Variants in ZBTB49 observed in about 807,000 individuals in gnomAD.
ZBTB49 encodes the protein zinc finger and BTB domain containing 49.
Under a neutral mutation model 57.5 loss-of-function variants are expected in ZBTB49, and 43 were observed. The ratio of observed to expected loss-of-function variants is 0.75; its 90% CI spans 0.59 to 0.97. ZBTB49 has a LOEUF of 0.97. ZBTB49 is among the 50% of genes least tolerant of loss of function. The pLI, the probability that ZBTB49 is intolerant of heterozygous loss-of-function variation, is 0.00. For synonymous variants in ZBTB49, 369 were observed against 362.1 expected, an observed-to-expected ratio of 1.02 and a Z score of -0.22; for missense variants, 938 against 947.7, an observed-to-expected ratio of 0.99 and a Z score of 0.13.
At chr4:4,294,675 T>C (rs1388538155) in intron 1 of ZBTB49, among the ~76,000 whole-genome samples, 1 of 152,132 alleles carries the variant, frequency 6.6e-6, no homozygotes, top group Non-Finnish European at 1.5e-5. Flanking sequence ...ATAGTAAAAG[T>C]AAATTGTGTA....
At position 4,302,255 on chromosome 4, in the gene ZBTB49, T is replaced by A. The variant is rs1200933058; in HGVS notation, c.419T>A (p.Leu140Gln). The A allele has an allele frequency of 1.2e-6, 2 of 1,614,258 alleles. No individual in the cohort carries two copies. The highest frequency in any genetic ancestry group is 3.3e-5 in the Admixed American group (2 of 60,038). The change falls in exon 3 of 8, where the codon CTG (leucine) becomes CAG (glutamine). Residue 140 changes from leucine (L) to glutamine (Q), a missense_variant. Physicochemically the swap from Leu to Gln is moderately radical, Grantham distance 113. This residue lies in a region of ZBTB49 where 835 missense variants were observed against 819.1 expected (regional missense o/e 1.02). Coordinates refer to ENST00000337872, the MANE Select transcript of ZBTB49 (RefSeq NM_145291.4). ...CNSTLSLQSTLTPDATCVISE... is the reference protein window; with the variant it reads ...CNSTLSLQSTQTPDATCVISE... ...AGTACATTGTCTCTACAAAGCACCC[T>A]GACCCCAGATGCCACTTGTGTTATC...
chr4:4,293,844 G>A (rs1720058485), intron 1 of ZBTB49, among the ~76,000 whole-genome samples: 1 of 150,730 alleles, frequency 6.6e-6, no homozygotes, highest in African/African-American at 2.5e-5. Flanking sequence ...GATGGGAAGT[G>A]GAAGCTGTTA....
chr4:4,299,888 C>T, intron 1 of ZBTB49, 39 bp from the exon 2 acceptor site: 1 of 1,586,368 alleles, frequency 6.3e-7, no homozygotes, highest in South Asian at 1.1e-5. Context: ...CAGTGAGGTC[C>T]TTAAGAATAT....
At chr4:4,316,032 GC>G in intron 7 of ZBTB49, 62 bp downstream of exon 7, 3 of 1,582,788 alleles carry the variant, frequency 1.9e-6, no homozygotes, top group Non-Finnish European at 2.6e-6. Context: ...TTGTCCCCCA[GC>G]CCTCATTAGC....
chr4:4,305,172 A>AT (rs1408841488), intron 3 of ZBTB49, among the ~76,000 whole-genome samples: 1 of 125,806 alleles, frequency 7.9e-6, no homozygotes, highest in Non-Finnish European at 1.7e-5. Flanking sequence ...TATTAATATA[A>AT]ATATAATTAT....
rs1307689571 is a variant in ZBTB49, at chr4:4,321,510, G to A, written c.*194G>A. ...GAGGGGGAGGGCCTGCTGGCTCACCGTGAGGCAGCCGCGGGAGGGAGCGCT... is the reference window on the plus strand; with the variant it reads ...GAGGGGGAGGGCCTGCTGGCTCACCATGAGGCAGCCGCGGGAGGGAGCGCT... On this transcript the variant is annotated 3_prime_UTR_variant, in exon 8 of 8. Transcript: ENST00000337872. The A allele has an allele frequency of 2.7e-5, 17 of 641,242 alleles. No individual in the cohort carries two copies. The Admixed American group carries it at 3.7e-4, about 14-fold the overall frequency. The allele number at this position is 641,242 out of a possible 1,614,324, so 39.7% of individuals were successfully genotyped here.
chr4:4,306,847 T>C (rs1720755960), intron 4 of ZBTB49, among the ~76,000 whole-genome samples: 1 of 152,212 alleles, frequency 6.6e-6, no homozygotes, highest in Admixed American at 6.5e-5. Context: ...CAGAGGTAGA[T>C]CAGATGGAAG....
Position 4,302,829 on chromosome 4 carries a change from T to C in ZBTB49, c.993T>C (p.Asp331=). The change falls in exon 3 of 8, where the codon GAT becomes GAC. Residue 331 remains aspartate (D), a synonymous_variant. Transcript: ENST00000337872. ...AEQVSEPKSD[D]GLTKRLESAS... ...AAGTATCTGAACCCAAGTCAGATGA[T>C]GGTTTGACAAAGAGGTTGGAATCTG... 3 of 1,613,944 alleles carry C rather than the reference T, an allele frequency of 1.9e-6. No homozygotes were observed. The highest frequency in any genetic ancestry group is 2.5e-6 in the Non-Finnish European group (3 of 1,179,882).
chr4:4,291,858 C>A (rs758002188), intron 1 of ZBTB49, among the ~76,000 whole-genome samples: 1 of 152,116 alleles, frequency 6.6e-6, no homozygotes, highest in Non-Finnish European at 1.5e-5. Flanking sequence ...GGGCTGGGTG[C>A]GGTGGCTCAC....
rs914014388 is a variant in ZBTB49, at chr4:4,300,061, A to G, written c.116A>G (p.His39Arg). 6.8e-6 allele frequency: 11 copies of G among 1,614,096 alleles called. No individual in the cohort carries two copies. Among genetic ancestry groups the G allele is most frequent in the South Asian group, 1.1e-5 (1 of 91,090 alleles). ...GTAAAAGGAGTCTGCTTTAAAGCGCATAAGAATGTCCTGGCAGCATTCAGC... is the reference window on the plus strand; with the variant it reads ...GTAAAAGGAGTCTGCTTTAAAGCGCGTAAGAATGTCCTGGCAGCATTCAGC... ...LVVKGVCFKAHKNVLAAFSQY... is the reference protein window; with the variant it reads ...LVVKGVCFKARKNVLAAFSQY... The change falls in exon 2 of 8, where the codon CAT becomes CGT. Residue 39 changes from histidine to arginine, a missense_variant. By Grantham distance (29) the His-to-Arg change is conservative. This residue lies in a region of ZBTB49 where 100 missense variants were observed against 112.5 expected (regional missense o/e 0.89). Coordinates refer to ENST00000337872, the MANE Select transcript of ZBTB49 (RefSeq NM_145291.4).
intron 1 of ZBTB49, among the ~76,000 whole-genome samples, chr4:4,296,313 G>A (rs1720202583): frequency 6.6e-6 from 1 of 152,216 alleles, no homozygotes; most frequent in Non-Finnish European, 1.5e-5. Context: ...TGGTTTGACT[G>A]TGTCACCACC....
At chr4:4,297,036 A>C (rs1577230352) in intron 1 of ZBTB49, among the ~76,000 whole-genome samples, 1 of 152,164 alleles carries the variant, frequency 6.6e-6, no homozygotes, top group Non-Finnish European at 1.5e-5. Context: ...ATGGTTATCA[A>C]GTTATACATC....
chr4:4,319,925 G>A (rs986551507), intron 7 of ZBTB49, among the ~76,000 whole-genome samples: 5 of 152,138 alleles, frequency 3.3e-5, no homozygotes, highest in East Asian at 3.9e-4. Context: ...TTAGCCTGGC[G>A]TGGTGTCAGG....
intron 2 of ZBTB49, 56 bp downstream of exon 2, chr4:4,300,153 G>C (rs753212348): frequency 1.3e-6 from 2 of 1,569,922 alleles, no homozygotes; most frequent in Non-Finnish European, 1.7e-6. Context: ...AGCTCTTTTA[G>C]TATGGAAGTA....
At chr4:4,291,452 A>G (rs1289913362) in intron 1 of ZBTB49, among the ~76,000 whole-genome samples, 1 of 152,226 alleles carries the variant, frequency 6.6e-6, no homozygotes, top group African/African-American at 2.4e-5. Context: ...ACCTTCTTAC[A>G]AGCCTGATCT....
In ZBTB49 at chr4:4,321,572, A is replaced by T. The variant is rs1483841447; in HGVS notation, c.*256A>T. 3 of 534,444 alleles carry T rather than the reference A, an allele frequency of 5.6e-6. No homozygotes were observed. Among genetic ancestry groups the T allele is most frequent in the Non-Finnish European group, 9.9e-6 (3 of 302,208 alleles). 33.1% of individuals were successfully genotyped at this position (534,444 alleles called of 1,614,324 possible). ...AGCGAAGGCTTGATGCTGTCTCAGC[A>T]GCCTCAGCTGTGGGGGGGAAGCGCG... On this transcript the variant is annotated 3_prime_UTR_variant, in exon 8 of 8. Coordinates refer to ENST00000337872, the MANE Select transcript of ZBTB49 (RefSeq NM_145291.4).
intron 3 of ZBTB49, 134 bp downstream of exon 3, chr4:4,303,225 G>A (rs1720582981): frequency 9.4e-7 from 1 of 1,061,288 alleles, no homozygotes; most frequent in Non-Finnish European, 1.3e-6. Context: ...AAATAAGGGG[G>A]ATTAACTACT....
intron 7 of ZBTB49, among the ~76,000 whole-genome samples, chr4:4,319,215 A>T (rs1219188045): frequency 6.6e-6 from 1 of 151,986 alleles, no homozygotes; most frequent in Non-Finnish European, 1.5e-5. Flanking sequence ...TATGTGGAAA[A>T]TGTGCCCAAA....
At chr4:4,294,872 C>CAT (rs1553803053) in intron 1 of ZBTB49, among the ~76,000 whole-genome samples, 25 of 138,128 alleles carry the variant, frequency 1.8e-4, no homozygotes, top group South Asian at 7.7e-4. Flanking sequence ...AGGAGGGTTT[C>CAT]GTGTGTGTGT....
Sources: allele counts gnomAD v4.1 joint callset (sites outside exome capture counted in the v4.1 genomes callset), GRCh38; gene constraint gnomAD v4.1.1; regional missense constraint gnomAD v4.1.1; transcripts MANE v1.5; gene names NCBI Gene and HGNC (gene_info 2026-07-23, HGNC 2026-07-21).